The following LMO7 variants were observed in gnomAD, a reference collection of about 807,000 sequenced individuals.
LMO7 encodes LIM domain 7.
Under a neutral mutation model 206.5 loss-of-function variants are expected in LMO7, and 120 were observed. That is an observed-to-expected ratio of 0.58 (90% CI 0.50 to 0.68). The LOEUF (loss-of-function observed/expected upper bound fraction) is 0.68. Ranked by LOEUF, LMO7 falls within the 30% of genes least tolerant of loss-of-function variation. The pLI, the probability that LMO7 is intolerant of heterozygous loss-of-function variation, is 0.00. For synonymous variants in LMO7, 706 were observed against 681.5 expected (o/e 1.04, Z -0.56); for missense variants, 1,959 against 1,957.9 (o/e 1.00, Z -0.01).
Position 75,681,535 on chromosome 13 carries a change from G to A in LMO7, c.70-31647G>A, listed in dbSNP as rs368439606. On this transcript the variant is annotated intron_variant, in intron 1 of 30. Transcript: ENST00000377534. ...GTAACTGTCAGTCCAACAGAATACAGCACTGTCCCATTACCCTCCCCCACC... is the reference window on the plus strand; with the variant it reads ...GTAACTGTCAGTCCAACAGAATACAACACTGTCCCATTACCCTCCCCCACC... Among the ~76,000 whole-genome samples the A allele has an allele frequency of 5.3e-5, 8 of 151,528 alleles. No individual in the cohort carries two copies. In the East Asian group the frequency reaches 7.7e-4, roughly 15 times the overall value.
At chr13:75,792,543 GTA>G (rs1470949837) in intron 4 of LMO7, among the ~76,000 whole-genome samples, 1 of 152,206 alleles carries the variant, frequency 6.6e-6, no homozygotes, top group Non-Finnish European at 1.5e-5. Context: ...CGTGCAGTAA[GTA>G]GGCTGGTTCA....
intron 3 of LMO7, among the ~76,000 whole-genome samples, chr13:75,732,015 C>G (rs1359779927): frequency 6.6e-6 from 1 of 152,078 alleles, no homozygotes; most frequent in African/African-American, 2.4e-5. Flanking sequence ...GATGGGTTTC[C>G]CTTTGTGGGT....
chr13:75,795,595 C>A (rs1265148375), intron 5 of LMO7, among the ~76,000 whole-genome samples, 164 bp downstream of exon 5: 1 of 152,142 alleles, frequency 6.6e-6, no homozygotes, highest in African/African-American at 2.4e-5. Context: ...ATATGCATTA[C>A]AATATATGGT....
chr13:75,707,721 A>G (rs1022284322), intron 1 of LMO7, among the ~76,000 whole-genome samples: 1 of 152,072 alleles, frequency 6.6e-6, no homozygotes, highest in Admixed American at 6.5e-5. Context: ...ATTATTTAAA[A>G]CCTTTGTTTA....
At chr13:75,634,795 G>C (rs934272768), upstream of LMO7, among the ~76,000 whole-genome samples, 1 of 150,778 alleles carries the variant, frequency 6.6e-6, no homozygotes, top group Non-Finnish European at 1.5e-5. Context: ...GATCACCTGA[G>C]GTCAGTTCGA....
intron 1 of LMO7, among the ~76,000 whole-genome samples, chr13:75,673,941 T>C (rs571012441): frequency 6.6e-6 from 1 of 152,334 alleles, no homozygotes; most frequent in African/African-American, 2.4e-5. Flanking sequence ...TTCTTAAATA[T>C]ACTGAAGGAC....
At chr13:75,636,257 G>A, upstream of LMO7, 11 of 1,026,354 alleles carry the variant, frequency 1.1e-5, no homozygotes, top group Non-Finnish European at 1.1e-5. Flanking sequence ...GCGGGCCCCG[G>A]GAGGGCGGTG....
intron 14 of LMO7, among the ~76,000 whole-genome samples, chr13:75,821,922 T>C (rs1271639933): frequency 6.6e-6 from 1 of 152,200 alleles, no homozygotes; most frequent in Non-Finnish European, 1.5e-5. Context: ...AGTTTTAGGT[T>C]GAAAAATATG....
chr13:75,836,051 A>G (rs1566580642), intron 18 of LMO7, among the ~76,000 whole-genome samples: 1 of 152,150 alleles, frequency 6.6e-6, no homozygotes, highest in African/African-American at 2.4e-5. Context: ...ACTATATTGT[A>G]TAAGAAATGT....
At chr13:75,712,616 C>T (rs889401884) in intron 1 of LMO7, among the ~76,000 whole-genome samples, 1 of 152,188 alleles carries the variant, frequency 6.6e-6, no homozygotes, top group South Asian at 2.1e-4. Context: ...TTTTGTCTCT[C>T]TGCGCCAGGA....
chr13:75,631,684 AGAT>A (rs2034972219), upstream of LMO7: 1 of 152,346 alleles, frequency 6.6e-6, no homozygotes, highest in Non-Finnish European at 1.5e-5. Flanking sequence ...TTCACTGACC[AGAT>A]GAGGGCTGTC....
At chr13:75,655,564 AT>A (rs2037980089) in intron 1 of LMO7, among the ~76,000 whole-genome samples, 1 of 147,812 alleles carries the variant, frequency 6.8e-6, no homozygotes, top group South Asian at 2.1e-4. Flanking sequence ...TGTAGTTGAT[AT>A]TTCTTTGAGG....
intron 7 of LMO7, among the ~76,000 whole-genome samples, chr13:75,802,973 A>G (rs1235354981): frequency 1.3e-5 from 2 of 152,240 alleles, no homozygotes; most frequent in East Asian, 3.8e-4. Flanking sequence ...GGGCTAAAAA[A>G]TACTTTTTCT....
At chr13:75,845,414 G>A in intron 26 of LMO7, 35 bp downstream of exon 26, 1 of 1,331,662 alleles carries the variant, frequency 7.5e-7, no homozygotes, top group Non-Finnish European at 1.1e-6. Context: ...CTCCTTCAGA[G>A]TTGCTTATTT....
intron 8 of LMO7, chr13:75,805,049 G>C (rs890244310): frequency 4.0e-6 from 4 of 1,002,772 alleles, no homozygotes; most frequent in African/African-American, 3.5e-5. Context: ...AAGTGAAAAA[G>C]AGGCCCCAGA....
intron 1 of LMO7, among the ~76,000 whole-genome samples, chr13:75,664,713 T>TAA (rs947040376): frequency 1.3e-5 from 2 of 152,236 alleles, no homozygotes; most frequent in Admixed American, 1.3e-4. Context: ...GTCTTTTGGA[T>TAA]AAAAGCTCTT....
intron 3 of LMO7, among the ~76,000 whole-genome samples, chr13:75,743,287 G>A (rs1223465768): frequency 6.6e-6 from 1 of 152,136 alleles, no homozygotes; most frequent in Admixed American, 6.5e-5. Context: ...CAACCAGTGT[G>A]GGAAGCTGTG....
exon 2 of LMO7, chr13:75,623,285 A>G (rs2033570640): frequency 1.4e-6 from 2 of 1,449,130 alleles, no homozygotes; most frequent in Non-Finnish European, 1.9e-6. Context: ...AATTTTGAGG[A>G]CTGAACAAAA....
rs760530055 is a variant in LMO7 at position 75,819,474 on chromosome 13, A to G, written c.2146A>G (p.Lys716Glu). 6.2e-7 allele frequency: 1 copy of G among 1,613,360 alleles called. No homozygotes were observed. The highest frequency in any genetic ancestry group is 1.1e-5 in the South Asian group (1 of 90,978). The change falls in exon 13 of 31, where the codon AAG (lysine) becomes GAG (glutamate). Residue 716 changes from lysine to glutamate, a missense_variant. Coordinates refer to ENST00000377534, the MANE Select transcript of LMO7 (RefSeq NM_001306080.2). Reference sequence around the variant, plus strand: ...AAAAGAAGAGAGAGAAGAAATTGAAAAGCAGGCACTTGAGAAGTCTAAGAG... The same window carrying G: ...AAAAGAAGAGAGAGAAGAAATTGAAGAGCAGGCACTTGAGAAGTCTAAGAG... ...KKKEEREEIE[K>E]QALEKSKRSS...
Sources: allele counts gnomAD v4.1 joint callset (sites outside exome capture counted in the v4.1 genomes callset), GRCh38; gene constraint gnomAD v4.1.1; transcripts MANE v1.5; gene names NCBI Gene and HGNC (gene_info 2026-07-23, HGNC 2026-07-21).